Variants in MEF2C observed in about 807,000 individuals in gnomAD.
MEF2C encodes the protein myocyte enhancer factor 2C, also known as myocyte-specific enhancer factor 2C.
MEF2C carries 6 observed loss-of-function variants against 50.5 expected under a neutral mutation model. That is an observed-to-expected ratio of 0.12 (90% CI 0.07 to 0.23). MEF2C has a LOEUF of 0.23. Ranked by LOEUF, MEF2C falls within the 10% of genes least tolerant of loss-of-function variation. MEF2C has a pLI of 1.00. For missense variants in MEF2C, 276 were observed against 605.0 expected, an observed-to-expected ratio of 0.46 and a Z score of 5.70; for synonymous variants, 183 against 228.0, an observed-to-expected ratio of 0.80 and a Z score of 1.78.
chr5:88,801,509 T>C (rs1241130115), intron 3 of MEF2C, among the ~76,000 whole-genome samples: 1 of 151,806 alleles, frequency 6.6e-6, no homozygotes, highest in Non-Finnish European at 1.5e-5. Context: ...TTTTTTTTTT[T>C]TGAGACGGAG....
intron 2 of MEF2C, among the ~76,000 whole-genome samples, chr5:88,817,446 C>T (rs1805990862): frequency 6.6e-6 from 1 of 151,884 alleles, no homozygotes; most frequent in Non-Finnish European, 1.5e-5. Context: ...CCTAGTTCAT[C>T]TTATATAATT....
chr5:88,810,084 G>T (rs1802128982), intron 2 of MEF2C, among the ~76,000 whole-genome samples: 1 of 152,070 alleles, frequency 6.6e-6, no homozygotes, highest in Non-Finnish European at 1.5e-5. Context: ...ATGAACCTTT[G>T]CTGAACGAAT....
intron 1 of MEF2C, among the ~76,000 whole-genome samples, chr5:88,849,150 CAAAAAAAA>C (rs11295110): frequency 1.1e-5 from 1 of 92,298 alleles, no homozygotes; most frequent in Admixed American, 1.2e-4. Flanking sequence ...GACTTTGTCT[CAAAAAAAA>C]AAAAAAAAAA....
intron 1 of MEF2C, among the ~76,000 whole-genome samples, chr5:88,875,817 C>T (rs575444650): frequency 2.0e-5 from 3 of 151,922 alleles, no homozygotes; most frequent in South Asian, 2.1e-4. Flanking sequence ...GAAATCACTC[C>T]GAGACAGAAG....
At chr5:88,726,650 G>A (rs113496691) in intron 10 of MEF2C, among the ~76,000 whole-genome samples, 85 of 152,232 alleles carry the variant, frequency 5.6e-4, no homozygotes, top group South Asian at 4.4e-3. Flanking sequence ...TAAGCACAAC[G>A]AAATTAAGTG....
intron 1 of MEF2C, among the ~76,000 whole-genome samples, chr5:88,879,206 A>G (rs991102153): frequency 6.6e-6 from 1 of 151,920 alleles, no homozygotes; most frequent in African/African-American, 2.4e-5. Context: ...GTTGGGTAAA[A>G]AAGGACTTCA....
In MEF2C at chr5:88,872,483, A is replaced by G. The variant is rs975989859; in HGVS notation, c.-143+10472T>C. Among the ~76,000 whole-genome samples the G allele has an allele frequency of 1.4e-4, 21 of 152,188 alleles. 1 individual carries two copies. In the South Asian group the frequency reaches 4.4e-3, roughly 32 times the overall value. ...AGAATTGACCCACGACTGTGTAAGA[A>G]TTAGATACTTGCTCTGAATGTGACC... On this transcript the variant is annotated intron_variant, in intron 1 of 10. Transcript: ENST00000504921.
upstream of MEF2C, among the ~76,000 whole-genome samples, chr5:88,885,645 C>T (rs1432564422): frequency 6.6e-6 from 1 of 152,044 alleles, no homozygotes; most frequent in Non-Finnish European, 1.5e-5. Flanking sequence ...AAAGATATTT[C>T]GAATACTAAG....
chr5:88,776,730 T>C (rs968736262), intron 3 of MEF2C, among the ~76,000 whole-genome samples: 1 of 152,014 alleles, frequency 6.6e-6, no homozygotes, highest in Non-Finnish European at 1.5e-5. Context: ...GAGGGGAAAA[T>C]CAAGTGAACA....
chr5:88,861,116 A>G (rs1825361425), intron 1 of MEF2C, among the ~76,000 whole-genome samples: 1 of 152,244 alleles, frequency 6.6e-6, no homozygotes, highest in South Asian at 2.1e-4. Context: ...TTTCTTCTCA[A>G]TTCTACAGCT....
chr5:88,734,151 C>T (rs1175304821), intron 6 of MEF2C: 1 of 984,114 alleles, frequency 1.0e-6, no homozygotes, highest in Admixed American at 6.2e-5. Flanking sequence ...ATGTTATGAA[C>T]TTAGTTTGAA....
intron 6 of MEF2C, chr5:88,741,810 T>C (rs1766963590): frequency 1.0e-6 from 1 of 985,038 alleles, no homozygotes; most frequent in Admixed American, 6.2e-5. Flanking sequence ...ATAGATAAAC[T>C]TAAATTTGAG....
chr5:88,824,688 A>G (rs1422208744), intron 1 of MEF2C, among the ~76,000 whole-genome samples: 1 of 151,938 alleles, frequency 6.6e-6, no homozygotes, highest in South Asian at 2.1e-4. Flanking sequence ...CATATTTTTT[A>G]TAACAAGCCA....
intron 10 of MEF2C, among the ~76,000 whole-genome samples, chr5:88,723,900 T>C (rs1757411757): frequency 6.6e-6 from 1 of 152,178 alleles, no homozygotes; most frequent in Non-Finnish European, 1.5e-5. Context: ...TCTGGGAAAA[T>C]TTAGAAACTT....
chr5:88,860,312 C>A (rs1310727473), intron 1 of MEF2C, among the ~76,000 whole-genome samples: 2 of 150,932 alleles, frequency 1.3e-5, no homozygotes, highest in East Asian at 1.9e-4. Flanking sequence ...ATGCATGAAA[C>A]TATTTGTATG....
Position 88,765,716 on chromosome 5 carries a change from G to A in MEF2C, c.259-4388C>T, listed in dbSNP as rs371532766. 9.3e-4 allele frequency among the ~76,000 whole-genome samples: 141 copies of A among 152,328 alleles called. 6 individuals are homozygous for A. The South Asian group carries it at 0.028, about 31-fold the overall frequency. The stretch of plus-strand genomic sequence containing the variant: ...AATTGTCATTCTTTTACAGGGGCTG[G>A]AAGTCCTAAATGTATATACTGTCTC... On this transcript the variant is annotated intron_variant, in intron 3 of 10. Transcript: ENST00000504921.
intron 1 of MEF2C, among the ~76,000 whole-genome samples, chr5:88,868,724 T>G (rs1290361505): frequency 6.6e-6 from 1 of 152,170 alleles, no homozygotes; most frequent in Admixed American, 6.5e-5. Context: ...TCTTGGCCTT[T>G]TATGCCAAGA....
At chr5:88,780,680 C>T in intron 3 of MEF2C, 1 of 816,164 alleles carries the variant, frequency 1.2e-6, no homozygotes, top group Non-Finnish European at 1.5e-6. Flanking sequence ...ATATATTTCA[C>T]TGTTAACAAT....
At chr5:88,865,920 G>T (rs1296688054) in intron 1 of MEF2C, among the ~76,000 whole-genome samples, 1 of 150,722 alleles carries the variant, frequency 6.6e-6, no homozygotes, top group East Asian at 1.9e-4. Context: ...TTTTGAGATG[G>T]AGTCTTGGTC....
Sources: allele counts gnomAD v4.1 joint callset (sites outside exome capture counted in the v4.1 genomes callset), GRCh38; gene constraint gnomAD v4.1.1; transcripts MANE v1.5; gene names NCBI Gene and HGNC (gene_info 2026-07-23, HGNC 2026-07-21).